Variants in MAN1C1 observed in about 807,000 individuals in gnomAD.
MAN1C1 encodes mannosyl-oligosaccharide 1,2-alpha-mannosidase IC.
In MAN1C1, 49 loss-of-function variants were observed where a neutral mutation model predicts 71.5. The observed-to-expected ratio is 0.69, with a 90% CI of 0.54 to 0.87. The LOEUF (loss-of-function observed/expected upper bound fraction) is 0.87, where lower values mean the gene tolerates loss of function less well. MAN1C1 is among the 40% of genes least tolerant of loss of function. The pLI is 0.00. For missense variants in MAN1C1, 743 were observed against 835.0 expected, an observed-to-expected ratio of 0.89 and a Z score of 1.36; for synonymous variants, 352 against 343.7, an observed-to-expected ratio of 1.02 and a Z score of -0.27.
chr1:25,712,821 C>G (rs1354860131), intron 2 of MAN1C1, among the ~76,000 whole-genome samples: 1 of 152,202 alleles, frequency 6.6e-6, no homozygotes, highest in African/African-American at 2.4e-5. Flanking sequence ...CCCTGCAGAT[C>G]TGTGGATTCC....
chr1:25,769,187 C>T lies in MAN1C1; in HGVS notation c.1142-2470C>T, dbSNP rs1225779317. The stretch of plus-strand genomic sequence containing the variant: ...ACACACACCCCACACATTACACACA[C>T]TCGCCTCATGCACACACCCCACACA... On this transcript the variant is annotated intron_variant, in intron 7 of 11. Coordinates refer to ENST00000374332, the MANE Select transcript of MAN1C1 (RefSeq NM_020379.4). This position sits in a 1 kb window ranked among gnomAD's most constrained non-coding sequence, Gnocchi z 4.8. Among the ~76,000 whole-genome samples, 1 of 150,722 alleles carries T rather than the reference C, an allele frequency of 6.6e-6. No homozygotes were observed. The highest frequency in any genetic ancestry group is 1.5e-5 in the Non-Finnish European group (1 of 67,544).
In MAN1C1 at chr1:25,631,732, G is replaced by T. The variant is rs1572106410; in HGVS notation, c.540+13395G>T. 6.6e-6 allele frequency among the ~76,000 whole-genome samples: 1 copy of T among 152,038 alleles called. No homozygotes were observed. The highest frequency in any genetic ancestry group is 2.4e-5 in the African/African-American group (1 of 41,376). On this transcript the variant is annotated intron_variant, in intron 1 of 11. Transcript: ENST00000374332. The surrounding 1 kb of genome is among the most constrained non-coding windows in gnomAD (Gnocchi z 4.2). The stretch of plus-strand genomic sequence containing the variant: ...CTTATTTTTGTTATGTCCTTTCCTG[G>T]TTTTGTTATGAAAGTGATACTGGCT...
In MAN1C1 at chr1:25,617,836, C is replaced by T. The variant is rs769010142; in HGVS notation, c.39C>T (p.Ser13=). ...AAGTGCCCGGCTTCGTCCCGGCCTC[C>T]CCGTGGGGGCTGCGGCTGCCGCAGA... is the stretch of plus-strand genomic sequence containing the variant. The part of the protein sequence containing the change: ...MRKVPGFVPA[S]PWGLRLPQKF... The change falls in exon 1 of 12, where the codon TCC becomes TCT. Residue 13 remains serine (S), a synonymous_variant. Coordinates refer to ENST00000374332, the MANE Select transcript of MAN1C1 (RefSeq NM_020379.4). The surrounding 1 kb of genome is among the most constrained non-coding windows in gnomAD (Gnocchi z 5.1). 40 of 1,605,732 alleles carry T rather than the reference C, an allele frequency of 2.5e-5. No homozygotes were observed. Among genetic ancestry groups the T allele is most frequent in the Non-Finnish European group, 5.9e-6 (7 of 1,177,110 alleles).
intron 8 of MAN1C1, among the ~76,000 whole-genome samples, chr1:25,773,598 G>A (rs2124405002): frequency 6.6e-6 from 1 of 152,312 alleles, no homozygotes; most frequent in East Asian, 1.9e-4. Context: ...GCCGGAGTGT[G>A]CTGCCCAGAG....
At chr1:25,645,455 G>T (rs1007235507) in intron 1 of MAN1C1, 6 of 152,292 alleles carry the variant, frequency 3.9e-5, no homozygotes, top group African/African-American at 1.2e-4. Flanking sequence ...ATGCATCTCT[G>T]GCCTGGCCAC....
At chr1:25,780,069 C>T (rs1333220101) in intron 9 of MAN1C1, among the ~76,000 whole-genome samples, 3 of 152,198 alleles carry the variant, frequency 2.0e-5, no homozygotes, top group Non-Finnish European at 4.4e-5. Flanking sequence ...CCAACTCAGC[C>T]ACAACTCGCT....
chr1:25,746,917 A>T lies in MAN1C1; in HGVS notation c.753+134A>T. ...CGGCTGCACAGCCCAGCAGTCTCGG[A>T]ACCGGAGCTGCCGTGCAGTCTGTGC... On this transcript the variant is annotated intron_variant, in intron 3 of 11. Coordinates refer to ENST00000374332, the MANE Select transcript of MAN1C1 (RefSeq NM_020379.4). This position sits in a 1 kb window ranked among gnomAD's most constrained non-coding sequence, Gnocchi z 4.0. The T allele has an allele frequency of 1.5e-6, 1 of 650,866 alleles. No individual in the cohort carries two copies. The highest frequency in any genetic ancestry group is 2.7e-5 in the East Asian group (1 of 36,504). The allele number at this position is 650,866 out of a possible 1,614,324, so 40.3% of individuals were successfully genotyped here.
At chr1:25,736,415 G>A (rs1018047320) in intron 2 of MAN1C1, among the ~76,000 whole-genome samples, 4 of 152,178 alleles carry the variant, frequency 2.6e-5, no homozygotes, top group Non-Finnish European at 5.9e-5. Flanking sequence ...ATATTCTCCT[G>A]TAGTGAGTGC....
chr1:25,656,116 T>TTTTTTTTTTTTTTTC lies in MAN1C1; in HGVS notation c.541-30323_541-30322insTTTTTTTTTTTTTCT, dbSNP rs2045762986. On this transcript the variant is annotated intron_variant, in intron 1 of 11. Transcript: ENST00000374332. ...CAGTCTTTTTTTTTTTTTTTTTTTTTTGAGACAGTCTCACTCTGTCGCCTA... is the reference window on the plus strand; with the variant it reads ...CAGTCTTTTTTTTTTTTTTTTTTTTTTTTTTTTTTTTTTTCTGAGACAGTCTCACTCTGTCGCCTA... 1.4e-5 allele frequency among the ~76,000 whole-genome samples: 2 copies of TTTTTTTTTTTTTTTC among 144,202 alleles called. 1 individual carries two copies. Among genetic ancestry groups the TTTTTTTTTTTTTTTC allele is most frequent in the East Asian group, 4.0e-4 (2 of 4,996 alleles). 94.6% of individuals were successfully genotyped at this position (144,202 alleles called of 152,430 possible).
Position 25,644,238 on chromosome 1 carries a change from A to G in MAN1C1, c.540+25901A>G, listed in dbSNP as rs750143064. On this transcript the variant is annotated intron_variant, in intron 1 of 11. Transcript: ENST00000374332. ...CAATCCTGGGGGTAGTGGGTTTGCA[A>G]ACTAGCAGAAAGCTCCGTGTACTGA... Among the ~76,000 whole-genome samples the G allele has an allele frequency of 4.6e-5, 7 of 152,150 alleles. No individual in the cohort carries two copies. In the East Asian group the frequency reaches 1.2e-3, roughly 25 times the overall value.
chr1:25,671,541 C>T (rs1365515890), intron 1 of MAN1C1, among the ~76,000 whole-genome samples: 2 of 152,074 alleles, frequency 1.3e-5, no homozygotes, highest in East Asian at 1.9e-4. Flanking sequence ...AATAGGGGGC[C>T]GTAGGAGGAT....
intron 2 of MAN1C1, among the ~76,000 whole-genome samples, chr1:25,736,561 C>T (rs1378674709): frequency 6.6e-6 from 1 of 152,186 alleles, no homozygotes; most frequent in East Asian, 1.9e-4. Flanking sequence ...GGGTCTTGCT[C>T]TGTCGCCCAG....
At chr1:25,758,906 C>T (rs902015922) in intron 6 of MAN1C1, 197 bp downstream of exon 6, 18 of 588,172 alleles carry the variant, frequency 3.1e-5, no homozygotes, top group Non-Finnish European at 4.6e-5. Flanking sequence ...AAGGTGAGCA[C>T]GCAGAGTCAA....
chr1:25,727,565 A>G (rs149347780), intron 2 of MAN1C1, among the ~76,000 whole-genome samples: 7 of 152,340 alleles, frequency 4.6e-5, no homozygotes, highest in African/African-American at 1.7e-4. Context: ...TCCCAAAGCT[A>G]TGGCAGAGGA....
chr1:25,762,435 C>A (rs1232276649), intron 6 of MAN1C1, among the ~76,000 whole-genome samples: 2 of 102,760 alleles, frequency 1.9e-5, no homozygotes, highest in Non-Finnish European at 3.8e-5. Context: ...TACTATACCA[C>A]ATTTTCTTTT....
At chr1:25,649,892 C>A (rs995677019) in intron 1 of MAN1C1, among the ~76,000 whole-genome samples, 1 of 152,210 alleles carries the variant, frequency 6.6e-6, no homozygotes. Context: ...TCTGTCTCAG[C>A]CTCCCAAAAG....
intron 7 of MAN1C1, among the ~76,000 whole-genome samples, chr1:25,767,419 TC>T (rs1458345051): frequency 1.0e-4 from 1 of 9,544 alleles, no homozygotes; most frequent in African/African-American, 4.8e-4. Context: ...CCACCCACCC[TC>T]CCAGACACAC....
intron 6 of MAN1C1, chr1:25,760,740 A>G (rs1318511570): frequency 6.6e-6 from 1 of 152,224 alleles, no homozygotes; most frequent in Non-Finnish European, 1.5e-5. Flanking sequence ...CCGTACACAC[A>G]TAACTCTATC....
chr1:25,750,281 T>A (rs2047196589), intron 4 of MAN1C1, among the ~76,000 whole-genome samples: 1 of 152,218 alleles, frequency 6.6e-6, no homozygotes, highest in South Asian at 2.1e-4. Context: ...GGAGGCTTCT[T>A]CATCCCCGCT....
Sources: gnomAD v4.1 joint callset for allele counts (sites outside exome capture counted in the v4.1 genomes callset) on GRCh38, gnomAD v4.1.1 for gene constraint, Gnocchi (gnomAD v3.1) non-coding constraint, MANE v1.5 for transcripts, NCBI Gene and HGNC (gene_info 2026-07-23, HGNC 2026-07-21) for gene names.